The following RPRD1B variants were observed in gnomAD, a reference collection of about 807,000 sequenced individuals.
The protein encoded by RPRD1B is regulation of nuclear pre-mRNA domain containing 1B, also known as regulation of nuclear pre-mRNA domain-containing protein 1B.
RPRD1B carries 11 observed loss-of-function variants against 41.5 expected under a neutral mutation model. That is an observed-to-expected ratio of 0.27 (90% CI 0.17 to 0.44). The LOEUF is 0.44. Among genes scored for constraint, RPRD1B ranks in the 20% least tolerant of loss-of-function variants. RPRD1B has a pLI of 1.00. For synonymous variants in RPRD1B, 158 were observed against 155.6 expected, an observed-to-expected ratio of 1.02 and a Z score of -0.12; for missense variants, 248 against 389.9, an observed-to-expected ratio of 0.64 and a Z score of 3.06.
At chr20:38,066,616 G>C (rs2122738066) in intron 6 of RPRD1B, among the ~76,000 whole-genome samples, 1 of 152,122 alleles carries the variant, frequency 6.6e-6, no homozygotes, top group Non-Finnish European at 1.5e-5. Context: ...GTAGTATTTG[G>C]GAAGTGCTGA....
chr20:38,086,555 G>A (rs891640366), intron 6 of RPRD1B, among the ~76,000 whole-genome samples: 7 of 151,882 alleles, frequency 4.6e-5, no homozygotes, highest in South Asian at 2.1e-4. Context: ...GGCTGGTCTC[G>A]AACTCCTGGC....
intron 6 of RPRD1B, among the ~76,000 whole-genome samples, chr20:38,068,490 T>C (rs1476092115): frequency 6.6e-6 from 1 of 152,180 alleles, no homozygotes; most frequent in Non-Finnish European, 1.5e-5. Context: ...CCTCCCAGGC[T>C]CAACCAATCC....
intron 1 of RPRD1B, among the ~76,000 whole-genome samples, chr20:38,036,656 G>A (rs1488228691): frequency 1.3e-5 from 2 of 152,138 alleles, no homozygotes; most frequent in African/African-American, 2.4e-5. Context: ...TCTAAACAGC[G>A]CTATCCAATA....
intron 5 of RPRD1B, among the ~76,000 whole-genome samples, chr20:38,062,241 C>T (rs2074305155): frequency 6.6e-6 from 1 of 152,304 alleles, no homozygotes; most frequent in Middle Eastern, 3.4e-3. Flanking sequence ...GTCTTTTCAG[C>T]CTCCTTGCTG....
At chr20:38,037,015 G>C (rs147892765) in intron 1 of RPRD1B, among the ~76,000 whole-genome samples, 1 of 152,126 alleles carries the variant, frequency 6.6e-6, no homozygotes, top group Admixed American at 6.6e-5. Flanking sequence ...CCCCCACACT[G>C]AAAGAAAAGG....
intron 3 of RPRD1B, among the ~76,000 whole-genome samples, chr20:38,052,442 TAGAA>T (rs1208351125): frequency 6.6e-6 from 1 of 152,190 alleles, no homozygotes; most frequent in Non-Finnish European, 1.5e-5. Flanking sequence ...AGACAGCTTG[TAGAA>T]CTGTGCCTCA....
intron 3 of RPRD1B, among the ~76,000 whole-genome samples, chr20:38,051,193 A>T (rs919773506): frequency 6.6e-6 from 1 of 152,260 alleles, no homozygotes; most frequent in Non-Finnish European, 1.5e-5. Flanking sequence ...GTCTCTCAAA[A>T]CATCACACTG....
chr20:38,085,400 G>GAAACAAGA (rs2074551699), intron 6 of RPRD1B: 1 of 152,378 alleles, frequency 6.6e-6, no homozygotes, highest in African/African-American at 2.4e-5. Flanking sequence ...TAAAGTGTCT[G>GAAACAAGA]AAACAAGAAG....
Position 38,038,505 on chromosome 20 carries a change from T to TTG in RPRD1B, c.152-1929_152-1928insGT, listed in dbSNP as rs1568641478. On this transcript the variant is annotated intron_variant, in intron 1 of 6. Transcript: ENST00000373433. ...TTTTTGTTTTGTTTTTTTTTTTTTT[T>TTG]TTTTTTTTTGAGACAGAGTCTTGCT... 4.4e-5 allele frequency among the ~76,000 whole-genome samples: 6 copies of TTG among 135,718 alleles called. 1 individual carries two copies. Among genetic ancestry groups the TTG allele is most frequent in the African/African-American group, 1.7e-4 (6 of 34,462 alleles). The allele number at this position is 135,718 out of a possible 152,430, so 89.0% of individuals were successfully genotyped here.
intron 1 of RPRD1B, among the ~76,000 whole-genome samples, chr20:38,040,031 G>A (rs1482784590): frequency 6.6e-6 from 1 of 152,130 alleles, no homozygotes; most frequent in Non-Finnish European, 1.5e-5. Flanking sequence ...ACTGCGTCCG[G>A]CCAACTCAGT....
intron 3 of RPRD1B, among the ~76,000 whole-genome samples, chr20:38,050,577 G>T (rs1002583406): frequency 4.6e-5 from 7 of 152,162 alleles, no homozygotes; most frequent in African/African-American, 1.7e-4. Flanking sequence ...TCAATTTAAT[G>T]TACATTTGCT....
chr20:38,039,385 T>A (rs1389872133), intron 1 of RPRD1B, among the ~76,000 whole-genome samples: 1 of 152,102 alleles, frequency 6.6e-6, no homozygotes, highest in African/African-American at 2.4e-5. Flanking sequence ...ATTCTCAGTT[T>A]AGGAGCAAAA....
rs34170428 is a variant in RPRD1B at position 38,090,708 on chromosome 20, G to A, written c.*833G>A. 0.051 allele frequency: 50,564 copies of A among 985,486 alleles called. 1,450 individuals are homozygous for A. The highest frequency in any genetic ancestry group is 0.15 in the East Asian group (1,285 of 8,822). The allele number at this position is 985,486 out of a possible 1,614,324, so 61.0% of individuals were successfully genotyped here. A position where few individuals can be genotyped will look rare whatever the true frequency, so the allele number is the denominator to read the frequency against. ...TGTTAGGGATGGCAGGCATTGGTGG[G>A]CTCCAAAAGATGAAGGCCCCACACA... On this transcript the variant is annotated 3_prime_UTR_variant, in exon 7 of 7. Coordinates refer to ENST00000373433, the MANE Select transcript of RPRD1B (RefSeq NM_021215.4).
At chr20:38,035,954 T>G (rs572617198) in intron 1 of RPRD1B, among the ~76,000 whole-genome samples, 1 of 152,042 alleles carries the variant, frequency 6.6e-6, no homozygotes, top group South Asian at 2.1e-4. Context: ...TTAGTAGAGA[T>G]GGGGTTTCAC....
At chr20:38,037,406 A>G (rs2074014296) in intron 1 of RPRD1B, among the ~76,000 whole-genome samples, 1 of 152,232 alleles carries the variant, frequency 6.6e-6, no homozygotes, top group African/African-American at 2.4e-5. Context: ...AAACCAGCCA[A>G]ACAAGTGAAA....
chr20:38,062,837 CCTT>C (rs1390652945), intron 5 of RPRD1B, among the ~76,000 whole-genome samples: 29 of 98,328 alleles, frequency 2.9e-4, no homozygotes, highest in South Asian at 1.4e-3. Context: ...AGCCCCCCCC[CCTT>C]TTTTTTTTTT....
intron 5 of RPRD1B, among the ~76,000 whole-genome samples, chr20:38,059,926 C>T (rs2074280990): frequency 6.6e-6 from 1 of 152,044 alleles, no homozygotes; most frequent in Admixed American, 6.6e-5. Context: ...TCTGACAAGC[C>T]CCGTAGATGA....
chr20:38,067,333 A>T (rs79275943), intron 6 of RPRD1B, among the ~76,000 whole-genome samples: 3 of 152,048 alleles, frequency 2.0e-5, no homozygotes, highest in Admixed American at 1.3e-4. Context: ...AAAGAGTTGC[A>T]GCCAGTGGTT....
In RPRD1B at chr20:38,092,057, T is replaced by A. The variant is rs1019591006; in HGVS notation, c.*2182T>A. 8.1e-6 allele frequency: 8 copies of A among 985,758 alleles called. No individual in the cohort carries two copies. The African/African-American group carries it at 1.2e-4, about 15-fold the overall frequency. 61.1% of individuals were successfully genotyped at this position (985,758 alleles called of 1,614,324 possible). On this transcript the variant is annotated 3_prime_UTR_variant, in exon 7 of 7. Coordinates refer to ENST00000373433, the MANE Select transcript of RPRD1B (RefSeq NM_021215.4). ...GCTTACTTCATTTGTTTAATTTAAA[T>A]GAACTTTCCTCCTTGTATGTATGAG...
Sources: allele counts gnomAD v4.1 joint callset (sites outside exome capture counted in the v4.1 genomes callset), GRCh38; gene constraint gnomAD v4.1.1; transcripts MANE v1.5; gene names NCBI Gene and HGNC (gene_info 2026-07-23, HGNC 2026-07-21).